ITGA2B: variants seen among roughly 807,000 people sequenced by gnomAD.
ITGA2B encodes integrin alpha-IIb.
A neutral mutation model predicts 142.0 loss-of-function variants in ITGA2B; 91 were observed. The ratio of observed to expected loss-of-function variants is 0.64; its 90% CI spans 0.54 to 0.76. The LOEUF is 0.76. Among genes scored for constraint, ITGA2B ranks in the 30% least tolerant of loss-of-function variants. The pLI, the probability that ITGA2B is intolerant of heterozygous loss-of-function variation, is 0.00. For synonymous variants in ITGA2B, 536 were observed against 567.2 expected (o/e 0.94, Z 0.78); for missense variants, 1,231 against 1,350.8 (o/e 0.91, Z 1.39).
chr17:44,375,771 G>A, intron 25 of ITGA2B, 55 bp from the exon 26 acceptor site: 2 of 1,556,952 alleles, frequency 1.3e-6, no homozygotes, highest in East Asian at 4.8e-5. Context: ...CCAGCCCACA[G>A]AGGTGCCCCG....
intron 7 of ITGA2B, 111 bp downstream of exon 7, chr17:44,384,837 G>A: frequency 6.5e-7 from 1 of 1,548,074 alleles, no homozygotes; most frequent in Non-Finnish European, 8.9e-7. Flanking sequence ...CGGCTTAGGC[G>A]GTGGGTTGGC....
Position 44,375,144 on chromosome 17 carries a change from C to T in ITGA2B, c.2728-33G>A, listed in dbSNP as rs371546196. 187 of 1,518,928 alleles carry T rather than the reference C, an allele frequency of 1.2e-4. No individual in the cohort carries two copies. The African/African-American group carries it at 2.3e-3, about 19-fold the overall frequency. 94.1% of individuals were successfully genotyped at this position (1,518,928 alleles called of 1,614,324 possible). ...GAAGCATCGTCAGTCCCCAGCCCGT[C>T]CCGGCCCATCACCCCATCATCCCCC... is the stretch of plus-strand genomic sequence containing the variant. On this transcript the variant is annotated intron_variant, in intron 26 of 29. Coordinates refer to ENST00000262407, the MANE Select transcript of ITGA2B (RefSeq NM_000419.5).
At position 44,378,440 on chromosome 17, in the gene ITGA2B, G is replaced by A. The variant is rs148888502; in HGVS notation, c.2016C>T (p.Gly672=). ...CCAGCTCTGCTTCATAGGCCCCCTC[G>A]CCCTCGTTGGCTGCGTCCATCTGCA... is the stretch of plus-strand genomic sequence containing the variant. The part of the protein sequence containing the change: ...LELQMDAANE[G]EGAYEAELAV... The change falls in exon 20 of 30, where the codon GGC becomes GGT. Residue 672 remains glycine, a synonymous_variant. Transcript: ENST00000262407. 4.6e-5 allele frequency: 75 copies of A among 1,613,262 alleles called. No individual in the cohort carries two copies. Among genetic ancestry groups the A allele is most frequent in the Admixed American group, 3.7e-4 (22 of 59,936 alleles).
At chr17:44,372,542 A>G (rs1264539705) in intron 29 of ITGA2B, 119 bp from the exon 30 acceptor site, 6 of 788,090 alleles carry the variant, frequency 7.6e-6, no homozygotes, top group Middle Eastern at 2.3e-4. Flanking sequence ...CATGAAGCCC[A>G]CTGTACTCAC....
chr17:44,374,263 G>C (rs1804943309), intron 29 of ITGA2B, 91 bp downstream of exon 29: 1 of 1,106,046 alleles, frequency 9.0e-7, no homozygotes. Flanking sequence ...TACCCACTTG[G>C]GTGGGCCACC....
At chr17:44,383,466 G>C in intron 12 of ITGA2B, 27 bp downstream of exon 12, 1 of 1,582,040 alleles carries the variant, frequency 6.3e-7, no homozygotes, top group Non-Finnish European at 8.6e-7. Context: ...CCCCTCTGCA[G>C]CAAGTAGGGC....
At position 44,383,519 on chromosome 17, in the gene ITGA2B, C is replaced by G; in HGVS notation, c.1184G>C (p.Gly395Ala). 6.2e-7 allele frequency: 1 copy of G among 1,610,570 alleles called. No individual in the cohort carries two copies. The highest frequency in any genetic ancestry group is 8.5e-7 in the Non-Finnish European group (1 of 1,179,882). Residue 395 changes from glycine (G) to alanine (A), a missense_variant, in exon 12 of 30, where the codon GGC becomes GCC. Physicochemically the swap from Gly to Ala is moderately conservative, Grantham distance 60. Coordinates refer to ENST00000262407, the MANE Select transcript of ITGA2B (RefSeq NM_000419.5). Reference protein sequence around the residue: ...GRFGSAIAPLGDLDRDGYNDI... With the variant: ...GRFGSAIAPLADLDRDGYNDI... Reference sequence around the variant, plus strand: ...ATTGTAGCCATCCCGGTCGAGGTCGCCCAGGGGTGCGATGGCAGAGCCGAA... The same window carrying G: ...ATTGTAGCCATCCCGGTCGAGGTCGGCCAGGGGTGCGATGGCAGAGCCGAA...
chr17:44,375,133 C>T (rs562196345), intron 26 of ITGA2B, 22 bp from the exon 27 acceptor site: 25 of 1,538,086 alleles, frequency 1.6e-5, no homozygotes, highest in South Asian at 2.4e-5. Context: ...CATCGTCAGT[C>T]CCCAGCCCGT....
chr17:44,377,094 A>G lies in ITGA2B; in HGVS notation c.2188-6T>C. 1 of 1,567,082 alleles carries G rather than the reference A, an allele frequency of 6.4e-7. No individual in the cohort carries two copies. The highest frequency in any genetic ancestry group is 8.7e-7 in the Non-Finnish European group (1 of 1,155,452). Reference sequence around the variant, plus strand: ...ACCAACATCGCGATTCCTATCTGGGAGATGAGGAGGGCCAAGGTCACTGCC... The same window carrying G: ...ACCAACATCGCGATTCCTATCTGGGGGATGAGGAGGGCCAAGGTCACTGCC... On this transcript the variant is annotated splice_region_variant and splice_polypyrimidine_tract_variant and intron_variant, in intron 21 of 29. Transcript: ENST00000262407.
chr17:44,379,375 C>T (rs1377091552), intron 18 of ITGA2B, among the ~76,000 whole-genome samples: 4 of 151,880 alleles, frequency 2.6e-5, no homozygotes, highest in Non-Finnish European at 5.9e-5. Context: ...TTCAGCCTCC[C>T]GAGTAGCTGG....
intron 27 of ITGA2B, 41 bp from the exon 28 acceptor site, chr17:44,374,801 G>A (rs374778936): frequency 1.4e-5 from 22 of 1,554,598 alleles, no homozygotes; most frequent in East Asian, 1.3e-4. Flanking sequence ...ACCCACAAGA[G>A]GCCTATTGGT....
chr17:44,374,694 C>T lies in ITGA2B; in HGVS notation c.2908G>A (p.Val970Met). ...CCTCGGGGCAGGCTGAGCGGGGGCA[C>T]CGCATAGGGGAGGGAGGACACGTTG... is the stretch of plus-strand genomic sequence containing the variant. ...WFNVSSLPYA[V>M]PPLSLPRGEA... is the part of the protein sequence containing the mutation. The change falls in exon 28 of 30, where the codon GTG (valine) becomes ATG (methionine). Residue 970 changes from valine to methionine, a missense_variant. By Grantham distance (21) the Val-to-Met change is conservative (BLOSUM62 1). Transcript: ENST00000262407. 1 of 1,614,048 alleles carries T rather than the reference C, an allele frequency of 6.2e-7. No homozygotes were observed. The highest frequency in any genetic ancestry group is 8.5e-7 in the Non-Finnish European group (1 of 1,179,984).
chr17:44,383,602 G>T lies in ITGA2B; in HGVS notation c.1101C>A (p.Gly367=). The change falls in exon 12 of 30, where the codon GGC becomes GGA. Residue 367 remains glycine, a synonymous_variant. Transcript: ENST00000262407. The part of the protein sequence containing the change: ...GRVYLFLQPR[G]PHALGAPSLL... ...GGCTGGGGGCACCCAGCGCGTGGGG[G>T]CCTCGCGGCTGCAGGAACAAATACA... is the stretch of plus-strand genomic sequence containing the variant. The T allele has an allele frequency of 6.2e-7, 1 of 1,609,894 alleles. No homozygotes were observed. The highest frequency in any genetic ancestry group is 8.5e-7 in the Non-Finnish European group (1 of 1,178,918).
At chr17:44,387,696 A>G (rs1423358674) in intron 1 of ITGA2B, among the ~76,000 whole-genome samples, 8 of 148,824 alleles carry the variant, frequency 5.4e-5, no homozygotes, top group African/African-American at 2.0e-4. Context: ...GTGGTGGCAC[A>G]TGCCTGTAAT....
At chr17:44,385,747 C>T (rs1200650230) in intron 3 of ITGA2B, 31 bp from the exon 4 acceptor site, 2 of 1,613,308 alleles carry the variant, frequency 1.2e-6, no homozygotes, top group South Asian at 1.1e-5. Context: ...TGGGGACGGG[C>T]GCGAGACTTG....
chr17:44,383,755 G>A, intron 11 of ITGA2B, 51 bp from the exon 12 acceptor site: 1 of 1,550,958 alleles, frequency 6.4e-7, no homozygotes, highest in Non-Finnish European at 8.7e-7. Flanking sequence ...GTATATTGGG[G>A]CTAGGGCCAA....
Position 44,389,320 on chromosome 17 carries a change from A to G in ITGA2B, c.154T>C (p.Phe52Leu). 1 of 1,614,066 alleles carries G rather than the reference A, an allele frequency of 6.2e-7. No individual in the cohort carries two copies. Among genetic ancestry groups the G allele is most frequent in the Non-Finnish European group, 8.5e-7 (1 of 1,180,006 alleles). Residue 52 changes from phenylalanine to leucine, a missense_variant, in exon 1 of 30, where the codon TTT (phenylalanine) becomes CTT (leucine). Phe to Leu is a conservative substitution (Grantham distance 22). Transcript: ENST00000262407. ...CTGTCCTTGTGGAAGTCCAGTGAAA[A>G]TCCAAACTGGCTGCCATTGGGGCCT... ...YAGPNGSQFGFSLDFHKDSHG... is the reference protein window; with the variant it reads ...YAGPNGSQFGLSLDFHKDSHG...
rs1161671773 is a variant in ITGA2B at position 44,383,474 on chromosome 17, G to A, written c.1210+19C>T. Reference sequence around the variant, plus strand: ...CTGTTAACCCCTCTGCAGCAAGTAGGGCTCCTCTCTTCCCTCACCATTGTA... The same window carrying A: ...CTGTTAACCCCTCTGCAGCAAGTAGAGCTCCTCTCTTCCCTCACCATTGTA... On this transcript the variant is annotated intron_variant, in intron 12 of 29. Transcript: ENST00000262407. 1 of 1,592,836 alleles carries A rather than the reference G, an allele frequency of 6.3e-7. No individual in the cohort carries two copies. Among genetic ancestry groups the A allele is most frequent in the Admixed American group, 1.7e-5 (1 of 57,178 alleles).
In ITGA2B at chr17:44,377,001, G is replaced by A. The variant is rs775007874; in HGVS notation, c.2267+8C>T. 1 of 1,580,320 alleles carries A rather than the reference G, an allele frequency of 6.3e-7. No homozygotes were observed. The highest frequency in any genetic ancestry group is 1.8e-5 in the Admixed American group (1 of 55,406). On this transcript the variant is annotated splice_region_variant and intron_variant, in intron 22 of 29. Coordinates refer to ENST00000262407, the MANE Select transcript of ITGA2B (RefSeq NM_000419.5). ...GGTGGTGGGTAGGCACGCTCGCCAG[G>A]TCAGTACCTCCGTATCTGCAGCTGG...
Sources: gnomAD v4.1 joint callset for allele counts (sites outside exome capture counted in the v4.1 genomes callset) on GRCh38, gnomAD v4.1.1 for gene constraint, MANE v1.5 for transcripts, NCBI Gene and HGNC (gene_info 2026-07-23, HGNC 2026-07-21) for gene names.